The following DCHS1 variants were observed in gnomAD, a reference collection of about 807,000 sequenced individuals.
DCHS1 encodes the protein protocadherin-16.
A neutral mutation model predicts 213.9 loss-of-function variants in DCHS1; 78 were observed. That is an observed-to-expected ratio of 0.36 (90% CI 0.30 to 0.44). DCHS1 has a LOEUF of 0.44. Ranked by LOEUF, DCHS1 falls within the 20% of genes least tolerant of loss-of-function variation. DCHS1 has a pLI of 1.00. For synonymous variants in DCHS1, 1,828 were observed against 1,873.7 expected (o/e 0.98, Z 0.63); for missense variants, 3,946 against 4,395.9 (o/e 0.90, Z 2.89).
Position 6,626,731 on chromosome 11 carries a change from A to G in DCHS1, c.6250+58T>C. On this transcript the variant is annotated intron_variant, in intron 14 of 20. Transcript: ENST00000299441. The surrounding 1 kb of genome is among the most constrained non-coding windows in gnomAD (Gnocchi z 5.2). ...TGGGAGAGTTTGGGGGACATTTTCAAAGCACAACCCCAGCCCATTTGGGAG... is the reference window on the plus strand; with the variant it reads ...TGGGAGAGTTTGGGGGACATTTTCAGAGCACAACCCCAGCCCATTTGGGAG... 2 of 1,610,286 alleles carry G rather than the reference A, an allele frequency of 1.2e-6. No homozygotes were observed. Among genetic ancestry groups the G allele is most frequent in the Non-Finnish European group, 8.5e-7 (1 of 1,178,378 alleles).
At chr11:6,638,887 G>C (rs1301161025) in intron 2 of DCHS1, among the ~76,000 whole-genome samples, 1 of 152,142 alleles carries the variant, frequency 6.6e-6, no homozygotes, top group Admixed American at 6.5e-5. Context: ...AAGAAATTCA[G>C]TGATCTCCTC....
In DCHS1 at chr11:6,630,404, C is replaced by G; in HGVS notation, c.4390G>C (p.Asp1464His). The stretch of plus-strand genomic sequence containing the variant: ...ACGTCGCTATTGGGGCCGGGGCCGT[C>G]GGCGTCCGACGCGCGGAAAGTGTAC... ...ALYTFRASDA[D>H]GPGPNSDVRY... Residue 1464 changes from aspartate to histidine, a missense_variant, in exon 10 of 21, where the codon GAC (aspartate) becomes CAC (histidine). Around this residue, in one of 3 missense-constraint regions of DCHS1, gnomAD observed 3,384 missense variants for 3,780.1 expected, o/e 0.90. Coordinates refer to ENST00000299441, the MANE Select transcript of DCHS1 (RefSeq NM_003737.4). 1 of 1,424,800 alleles carries G rather than the reference C, an allele frequency of 7.0e-7. No individual in the cohort carries two copies. Among genetic ancestry groups the G allele is most frequent in the Non-Finnish European group, 9.1e-7 (1 of 1,094,448 alleles). 88.3% of individuals were successfully genotyped at this position (1,424,800 alleles called of 1,614,324 possible). A position where few individuals can be genotyped will look rare whatever the true frequency, so the allele number is the denominator to read the frequency against.
intron 2 of DCHS1, among the ~76,000 whole-genome samples, chr11:6,637,073 A>T (rs1855996337): frequency 6.6e-6 from 1 of 152,196 alleles, no homozygotes; most frequent in Non-Finnish European, 1.5e-5. Flanking sequence ...AGTCCTCATT[A>T]ACTCTATTTG....
In DCHS1 at chr11:6,627,188, G is replaced by A. The variant is rs528606611; in HGVS notation, c.5851C>T (p.Arg1951Cys). The A allele has an allele frequency of 1.4e-5, 22 of 1,612,836 alleles. No individual in the cohort carries two copies. The highest frequency in any genetic ancestry group is 6.7e-5 in the African/African-American group (5 of 75,014). ...GTGGGTGCATGGTCATTGACATCGCGCACCGTGATGGTGACAGACACTGTG... is the reference window on the plus strand; with the variant it reads ...GTGGGTGCATGGTCATTGACATCGCACACCGTGATGGTGACAGACACTGTG... Reference protein sequence around the residue: ...STTVSVTITVRDVNDHAPTFP... With the variant: ...STTVSVTITVCDVNDHAPTFP... Residue 1951 changes from arginine (R) to cysteine (C), a missense_variant, in exon 14 of 21, where the codon CGC becomes TGC. Transcript: ENST00000299441. The surrounding 1 kb of genome is among the most constrained non-coding windows in gnomAD (Gnocchi z 5.4).
At position 6,624,070 on chromosome 11, in the gene DCHS1, T is replaced by G. The variant is rs1261999118; in HGVS notation, c.7606A>C (p.Arg2536=). The G allele has an allele frequency of 1.9e-6, 3 of 1,613,076 alleles. No homozygotes were observed. Among genetic ancestry groups the G allele is most frequent in the East Asian group, 2.2e-5 (1 of 44,876 alleles). ...GCACTCTCCCCAGCCTCAGCCAGCC[T>G]GGGTTCCAGCTGGAAGACTCGGCCC... ...NWGRVFQLEP[R]LAEAGESAGP... The change falls in exon 21 of 21, where the codon AGG becomes CGG. Residue 2536 remains arginine, a synonymous_variant. Coordinates refer to ENST00000299441, the MANE Select transcript of DCHS1 (RefSeq NM_003737.4).
At chr11:6,642,041 C>G (rs532120802) in intron 1 of DCHS1, among the ~76,000 whole-genome samples, 1 of 152,302 alleles carries the variant, frequency 6.6e-6, no homozygotes, top group Admixed American at 6.5e-5. Flanking sequence ...ATTCTTTTCT[C>G]ATTTTCTTCT....
chr11:6,631,029 C>A, intron 9 of DCHS1, 24 bp downstream of exon 9: 1 of 1,585,190 alleles, frequency 6.3e-7, no homozygotes, highest in South Asian at 1.1e-5. Context: ...CAGCGGTAGC[C>A]AAGGGGAGGA....
rs999967170 is a variant in DCHS1, at chr11:6,623,367, C to T, written c.8309G>A (p.Arg2770Gln). ...LNSSTGELRA[R>Q]VPFDYEHTES... ...TGTGTGCTCATAGTCAAAGGGCACT[C>T]GCGCACGCAACTCCCCTGTTGAGCT... Residue 2770 changes from arginine to glutamine, a missense_variant, in exon 21 of 21, where the codon CGA becomes CAA. Coordinates refer to ENST00000299441, the MANE Select transcript of DCHS1 (RefSeq NM_003737.4). The T allele has an allele frequency of 1.9e-5, 30 of 1,597,524 alleles. No homozygotes were observed. The highest frequency in any genetic ancestry group is 9.1e-5 in the East Asian group (4 of 43,986).
chr11:6,629,946 CA>C, intron 10 of DCHS1, 35 bp from the exon 11 acceptor site: 1 of 1,604,572 alleles, frequency 6.2e-7, no homozygotes, highest in Non-Finnish European at 8.5e-7. Flanking sequence ...GTGGGGACCC[CA>C]ACACTCCACA....
Position 6,623,767 on chromosome 11 carries a change from C to A in DCHS1, c.7909G>T (p.Val2637Leu). Residue 2637 changes from valine to leucine, a missense_variant, in exon 21 of 21, where the codon GTG becomes TTG. This residue lies in a region of DCHS1 where 3,384 missense variants were observed against 3,780.1 expected (regional missense o/e 0.90). Coordinates refer to ENST00000299441, the MANE Select transcript of DCHS1 (RefSeq NM_003737.4). Reference sequence around the variant, plus strand: ...TCGCCTGAGCTGACAGTGAAACGCACGAGGCCATGAGGGCCAGGGTCAGCG... The same window carrying A: ...TCGCCTGAGCTGACAGTGAAACGCAAGAGGCCATGAGGGCCAGGGTCAGCG... ...SDADPGPHGL[V>L]RFTVSSGDPS... 2.5e-6 allele frequency: 4 copies of A among 1,613,962 alleles called. No individual in the cohort carries two copies. Among genetic ancestry groups the A allele is most frequent in the Non-Finnish European group, 3.4e-6 (4 of 1,179,908 alleles).
In DCHS1 at chr11:6,655,803, C is replaced by A; in HGVS notation, c.-361G>T. 2 of 974,606 alleles carry A rather than the reference C, an allele frequency of 2.1e-6. No homozygotes were observed. Among genetic ancestry groups the A allele is most frequent in the Non-Finnish European group, 2.4e-6 (2 of 824,722 alleles). The allele number at this position is 974,606 out of a possible 1,614,324, so 60.4% of individuals were successfully genotyped here. A position where few individuals can be genotyped will look rare whatever the true frequency, so the allele number is the denominator to read the frequency against. ...ACAGCCGCCCCGCCGAGGATGCGAG[C>A]TCCGCTGCCGCGGCCCCGCGCCCCC... On this transcript the variant is annotated 5_prime_UTR_variant, in exon 1 of 21. Coordinates refer to ENST00000299441, the MANE Select transcript of DCHS1 (RefSeq NM_003737.4).
Position 6,625,582 on chromosome 11 carries a change from T to C in DCHS1, c.6862+15A>G. 2 of 1,613,544 alleles carry C rather than the reference T, an allele frequency of 1.2e-6. No individual in the cohort carries two copies. Among genetic ancestry groups the C allele is most frequent in the Non-Finnish European group, 1.7e-6 (2 of 1,179,818 alleles). ...CTCTGCCACCCTTTATGCCACCCAC[T>C]TTACCCAGCCTCACCTTCTGACACT... On this transcript the variant is annotated intron_variant, in intron 18 of 20. Coordinates refer to ENST00000299441, the MANE Select transcript of DCHS1 (RefSeq NM_003737.4). The surrounding 1 kb of genome is among the most constrained non-coding windows in gnomAD (Gnocchi z 5.3).
chr11:6,650,757 C>A (rs1856231638), intron 1 of DCHS1, among the ~76,000 whole-genome samples: 1 of 152,162 alleles, frequency 6.6e-6, no homozygotes, highest in African/African-American at 2.4e-5. Flanking sequence ...CTTCTTCCAT[C>A]CCTTCCCAGA....
Position 6,624,639 on chromosome 11 carries a change from T to C in DCHS1, c.7285+91A>G, listed in dbSNP as rs551678165. ...CCTCCCTAGGCCAGAGATCCAGGAG[T>C]TAAAGAGTTTGAGTAACAAATTCAA... On this transcript the variant is annotated intron_variant, in intron 20 of 20. Coordinates refer to ENST00000299441, the MANE Select transcript of DCHS1 (RefSeq NM_003737.4). 101 of 1,564,180 alleles carry C rather than the reference T, an allele frequency of 6.5e-5. No individual in the cohort carries two copies. The Middle Eastern group carries it at 6.7e-4, about 10-fold the overall frequency.
rs904154002 is a variant in DCHS1, at chr11:6,630,321, G to A, written c.4473C>T (p.Arg1491=). The A allele has an allele frequency of 2.2e-6, 3 of 1,345,994 alleles. No individual in the cohort carries two copies. Among genetic ancestry groups the A allele is most frequent in the Non-Finnish European group, 2.9e-6 (3 of 1,051,968 alleles). 83.4% of individuals were successfully genotyped at this position (1,345,994 alleles called of 1,614,324 possible). A position where few individuals can be genotyped will look rare whatever the true frequency, so the allele number is the denominator to read the frequency against. The change falls in exon 10 of 21, where the codon CGC becomes CGT. Residue 1491 remains arginine, a synonymous_variant. Transcript: ENST00000299441. Reference sequence around the variant, plus strand: ...CGCGCGGAGCGCTGAGCGCCCCGGTGCGCGCGTCCAGGCGAAGCGCCGGCA... The same window carrying A: ...CGCGCGGAGCGCTGAGCGCCCCGGTACGCGCGTCCAGGCGAAGCGCCGGCA... ...PPVPALRLDA[R]TGALSAPRGL...
At chr11:6,638,406 TTG>T (rs917932129) in intron 2 of DCHS1, among the ~76,000 whole-genome samples, 1 of 152,180 alleles carries the variant, frequency 6.6e-6, no homozygotes, top group African/African-American at 2.4e-5. Flanking sequence ...AAAGTTGAAT[TTG>T]TGACCTGGCT....
intron 7 of DCHS1, 103 bp from the exon 8 acceptor site, chr11:6,631,510 TCA>T (rs1855907363): frequency 6.3e-7 from 1 of 1,585,260 alleles, no homozygotes; most frequent in Admixed American, 1.7e-5. Flanking sequence ...TTTTCGGCTC[TCA>T]CACCCAATCC....
intron 1 of DCHS1, among the ~76,000 whole-genome samples, chr11:6,646,504 C>T (rs1021535017): frequency 2.0e-5 from 3 of 152,190 alleles, no homozygotes; most frequent in Non-Finnish European, 2.9e-5. Context: ...TTGTATCTTT[C>T]CCCATCCAGG....
chr11:6,632,367 G>T lies in DCHS1; in HGVS notation c.3145C>A (p.Pro1049Thr), dbSNP rs765253048. The change falls in exon 6 of 21, where the codon CCA becomes ACA. Residue 1049 changes from proline to threonine, a missense_variant. Physicochemically the swap from Pro to Thr is conservative, Grantham distance 38. Around this residue, in one of 3 missense-constraint regions of DCHS1, gnomAD observed 3,384 missense variants for 3,780.1 expected, o/e 0.90. Coordinates refer to ENST00000299441, the MANE Select transcript of DCHS1 (RefSeq NM_003737.4). The surrounding 1 kb of genome is among the most constrained non-coding windows in gnomAD (Gnocchi z 5.9). Reference sequence around the variant, plus strand: ...CGCACCCATAGCCACCCACTCTGTGGCTCCAGGCCAAAGGGGCTACTTGCT... The same window carrying T: ...CGCACCCATAGCCACCCACTCTGTGTCTCCAGGCCAAAGGGGCTACTTGCT... ...EGASSPFGLE[P>T]QSGWLWVRAA... The T allele has an allele frequency of 1.2e-6, 2 of 1,613,934 alleles. No homozygotes were observed. Among genetic ancestry groups the T allele is most frequent in the South Asian group, 2.2e-5 (2 of 91,086 alleles).
Sources: allele counts gnomAD v4.1 joint callset (sites outside exome capture counted in the v4.1 genomes callset), GRCh38; gene constraint gnomAD v4.1.1; regional missense constraint gnomAD v4.1.1; non-coding constraint Gnocchi (gnomAD v3.1); transcripts MANE v1.5; gene names NCBI Gene and HGNC (gene_info 2026-07-23, HGNC 2026-07-21).